Variants in KLRG1 observed in about 807,000 individuals in gnomAD.
The protein encoded by KLRG1 is killer cell lectin like receptor G1.
Under a neutral mutation model 21.8 loss-of-function variants are expected in KLRG1, and 16 were observed. The observed-to-expected ratio is 0.73, with a 90% CI of 0.50 to 1.11. The LOEUF (loss-of-function observed/expected upper bound fraction) is 1.11, where lower values mean the gene tolerates loss of function less well. Ranked by LOEUF, KLRG1 falls within the 50% of genes most tolerant of loss-of-function variation. The pLI, the probability that KLRG1 is intolerant of heterozygous loss-of-function variation, is 0.00. For missense variants in KLRG1, 173 were observed against 218.3 expected (o/e 0.79, Z 1.31); for synonymous variants, 69 against 75.9 (o/e 0.91, Z 0.47).
upstream of KLRG1, among the ~76,000 whole-genome samples, chr12:8,988,826 C>A (rs1359128338): frequency 6.6e-6 from 1 of 152,162 alleles, no homozygotes; most frequent in East Asian, 1.9e-4. Flanking sequence ...AGGTGATCCA[C>A]CCTCCTTGGC....
chr12:9,196,716 A>C, the KLRG1 span: 1 of 1,511,906 alleles, frequency 6.6e-7, no homozygotes, highest in African/African-American at 1.4e-5. Flanking sequence ...AATAAATGTC[A>C]AACTGATTGA....
At chr12:9,138,435 T>C in the KLRG1 span, among the ~76,000 whole-genome samples, 1 of 151,840 alleles carries the variant, frequency 6.6e-6, no homozygotes, top group Non-Finnish European at 1.5e-5. Context: ...TTTTTGCATC[T>C]ATATTCATCA....
the KLRG1 span, chr12:9,150,723 A>G: frequency 3.7e-6 from 6 of 1,612,626 alleles, no homozygotes; most frequent in Non-Finnish European, 5.1e-6. Context: ...CCATGAAGGA[A>G]AAACTTAGCG....
chr12:9,076,802 C>T, the KLRG1 span: 8 of 1,613,990 alleles, frequency 5.0e-6, no homozygotes, highest in Non-Finnish European at 5.9e-6. Context: ...CTTCCTTCCT[C>T]TTGTCCTGGT....
chr12:9,118,458 T>C, the KLRG1 span, among the ~76,000 whole-genome samples: 3 of 152,194 alleles, frequency 2.0e-5, no homozygotes, highest in African/African-American at 7.2e-5. Flanking sequence ...GGTACTGCTG[T>C]AGCTCATCAG....
chr12:9,206,750 A>T, the KLRG1 span, among the ~76,000 whole-genome samples: 5 of 152,016 alleles, frequency 3.3e-5, no homozygotes, highest in Admixed American at 2.6e-4. Flanking sequence ...GCTTGTGACA[A>T]CTAGGGCATG....
chr12:9,161,949 T>TTTG, the KLRG1 span, among the ~76,000 whole-genome samples: 261 of 152,000 alleles, frequency 1.7e-3, no homozygotes, highest in African/African-American at 6.1e-3. Flanking sequence ...GTCTTTAGTT[T>TTTG]TTGTTGTTGT....
At chr12:9,161,174 G>C in the KLRG1 span, 12 of 1,371,990 alleles carry the variant, frequency 8.7e-6, no homozygotes, top group Admixed American at 2.1e-5. Flanking sequence ...ATATAATTTA[G>C]TGATTATAAT....
chr12:9,077,790 T>C, the KLRG1 span: 2 of 1,614,142 alleles, frequency 1.2e-6, no homozygotes, highest in African/African-American at 1.3e-5. Flanking sequence ...GCTTGGGTAA[T>C]GTGTGCTTCA....
At chr12:9,106,471 T>C in the KLRG1 span, 2 of 1,507,132 alleles carry the variant, frequency 1.3e-6, no homozygotes, top group East Asian at 2.3e-5. Flanking sequence ...TTTTCTCTTA[T>C]ACCCATGTAG....
chr12:8,958,798 A>G (rs922938632), intron 1 of KLRG1, among the ~76,000 whole-genome samples: 1 of 151,348 alleles, frequency 6.6e-6, no homozygotes, highest in Non-Finnish European at 1.5e-5. Flanking sequence ...TCAAGGCTTC[A>G]GAGAGCCGTG....
chr12:8,982,618 T>C (rs531949817), intron 1 of KLRG1, among the ~76,000 whole-genome samples: 3 of 152,052 alleles, frequency 2.0e-5, no homozygotes, highest in Admixed American at 6.6e-5. Context: ...TTAAAGTGCA[T>C]ATCTTACAGC....
At chr12:9,035,055 TTATA>T in the KLRG1 span, among the ~76,000 whole-genome samples, 1 of 132,036 alleles carries the variant, frequency 7.6e-6, no homozygotes, top group Non-Finnish European at 1.8e-5. Flanking sequence ...AGAAAAAAAC[TTATA>T]TAATAAGGAT....
the KLRG1 span, chr12:9,165,351 C>T: frequency 1.2e-6 from 2 of 1,613,974 alleles, no homozygotes; most frequent in East Asian, 2.2e-5. Flanking sequence ...ACTCCTACCT[C>T]AGCCACACCT....
At chr12:8,971,722 C>T (rs890457035) in intron 1 of KLRG1, among the ~76,000 whole-genome samples, 4 of 152,104 alleles carry the variant, frequency 2.6e-5, no homozygotes, top group African/African-American at 9.7e-5. Flanking sequence ...AACTCCTGAC[C>T]TCAAGTGATC....
chr12:9,043,443 T>A, the KLRG1 span, among the ~76,000 whole-genome samples: 1 of 152,108 alleles, frequency 6.6e-6, no homozygotes, highest in Admixed American at 6.5e-5. Flanking sequence ...GCTCAAGGAG[T>A]AGTACCTAAG....
At chr12:9,155,326 G>T in the KLRG1 span, among the ~76,000 whole-genome samples, 2 of 152,174 alleles carry the variant, frequency 1.3e-5, no homozygotes, top group Non-Finnish European at 2.9e-5. Context: ...GAATCAGTCC[G>T]TTTTTGTTGT....
the KLRG1 span, chr12:9,052,781 A>G: frequency 4.7e-5 from 20 of 426,106 alleles, no homozygotes; most frequent in Admixed American, 5.2e-4. Flanking sequence ...TTTTTCATTT[A>G]AAAATGGGAT....
the KLRG1 span, chr12:9,163,716 G>A: frequency 1.2e-6 from 2 of 1,613,882 alleles, no homozygotes; most frequent in Non-Finnish European, 1.7e-6. Flanking sequence ...TAATCTCAGG[G>A]ACCTCAACAA....
Sources: allele counts gnomAD v4.1 joint callset (sites outside exome capture counted in the v4.1 genomes callset), GRCh38; gene constraint gnomAD v4.1.1; transcripts MANE v1.5; gene names NCBI Gene and HGNC (gene_info 2026-07-23, HGNC 2026-07-21).